RFTN1: variants seen among roughly 807,000 people sequenced by gnomAD.
The protein encoded by RFTN1 is raftlin, lipid raft linker 1.
A neutral mutation model predicts 46.5 loss-of-function variants in RFTN1; 26 were observed. The observed-to-expected ratio is 0.56, with a 90% confidence interval of 0.41 to 0.78. The LOEUF (loss-of-function observed/expected upper bound fraction) is 0.78. Ranked by LOEUF, RFTN1 falls within the 30% of genes least tolerant of loss-of-function variation. The pLI is 0.00. For missense variants in RFTN1, 693 were observed against 718.7 expected, an observed-to-expected ratio of 0.96 and a Z score of 0.41; for synonymous variants, 261 against 284.2, an observed-to-expected ratio of 0.92 and a Z score of 0.82.
intron 7 of RFTN1, among the ~76,000 whole-genome samples, chr3:16,332,731 T>A (rs964970730): frequency 2.6e-5 from 4 of 152,226 alleles, no homozygotes; most frequent in African/African-American, 9.6e-5. Flanking sequence ...TTTGCTAAAT[T>A]AGTTAGATTC....
chr3:16,436,771 A>G (rs2075525204), intron 2 of RFTN1, among the ~76,000 whole-genome samples: 2 of 152,170 alleles, frequency 1.3e-5, no homozygotes, highest in Non-Finnish European at 2.9e-5. Context: ...TATGACTGTG[A>G]TCCATTAATC....
At chr3:16,495,252 C>T (rs2076605582) in intron 1 of RFTN1, among the ~76,000 whole-genome samples, 1 of 152,222 alleles carries the variant, frequency 6.6e-6, no homozygotes, top group Non-Finnish European at 1.5e-5. Context: ...ATGTAAAAGG[C>T]TGCATATTTA....
chr3:16,400,172 C>T lies in RFTN1; in HGVS notation c.441+9203G>A, dbSNP rs138218327. 4.5e-4 allele frequency among the ~76,000 whole-genome samples: 69 copies of T among 152,320 alleles called. No homozygotes were observed. The East Asian group carries it at 0.013, about 29-fold the overall frequency. On this transcript the variant is annotated intron_variant, in intron 4 of 9. Coordinates refer to ENST00000334133, the MANE Select transcript of RFTN1 (RefSeq NM_015150.2). This position sits in a 1 kb window ranked among gnomAD's most constrained non-coding sequence, Gnocchi z 4.5. ...TGCAGGGCTGTATGGGGACCCGACT[C>T]ACTCTCCAGCCTCACTCCACCTCAC...
intron 7 of RFTN1, 115 bp from the exon 8 acceptor site, chr3:16,326,991 G>C: frequency 1.4e-6 from 1 of 718,888 alleles, no homozygotes; most frequent in Non-Finnish European, 2.3e-6. Context: ...GGCGGTGCCC[G>C]GCCACTCAGA....
Position 16,472,998 on chromosome 3 carries a change from C to T in RFTN1, c.145+20727G>A, listed in dbSNP as rs17042328. Among the ~76,000 whole-genome samples the T allele has an allele frequency of 4.5e-3, 686 of 152,180 alleles. 7 individuals are homozygous for T. The highest frequency in any genetic ancestry group is 0.015 in the African/African-American group (638 of 41,498). On this transcript the variant is annotated intron_variant, in intron 2 of 9. Coordinates refer to ENST00000334133, the MANE Select transcript of RFTN1 (RefSeq NM_015150.2). ...CACAGAGTCAGACAGGTAGGGCGAC[C>T]CCAAAAGTTCATCTCCCTTCTAAAT... is the stretch of plus-strand genomic sequence containing the variant.
chr3:16,409,567 G>A (rs142147318), intron 3 of RFTN1, 84 bp from the exon 4 acceptor site: 107 of 943,300 alleles, frequency 1.1e-4, no homozygotes, highest in Middle Eastern at 2.8e-4. Context: ...ACCCAGGCTG[G>A]AGTGCAATGA....
rs188956088 is a variant in RFTN1 at position 16,376,888 on chromosome 3, C to T, written c.826+830G>A. Reference sequence around the variant, plus strand: ...TTGTAAGAGGCTAAATTCAAGAATTCGTAAATAAATGGTAATAACAATATT... The same window carrying T: ...TTGTAAGAGGCTAAATTCAAGAATTTGTAAATAAATGGTAATAACAATATT... On this transcript the variant is annotated intron_variant, in intron 5 of 9. Coordinates refer to ENST00000334133, the MANE Select transcript of RFTN1 (RefSeq NM_015150.2). This position sits in a 1 kb window ranked among gnomAD's most constrained non-coding sequence, Gnocchi z 4.7. 2.8e-4 allele frequency among the ~76,000 whole-genome samples: 43 copies of T among 152,186 alleles called. No individual in the cohort carries two copies. Among genetic ancestry groups the T allele is most frequent in the Admixed American group, 2.2e-3 (33 of 15,290 alleles).
In RFTN1 at chr3:16,507,808, C is replaced by CACAT. The variant is rs57105411; in HGVS notation, c.-9+5630_-9+5633dup. ...ACATACACACAAACACACACAAACG[C>CACAT]ACATACATACATACATACACACACA... On this transcript the variant is annotated intron_variant, in intron 1 of 9. Transcript: ENST00000334133. This position sits in a 1 kb window ranked among gnomAD's most constrained non-coding sequence, Gnocchi z 7.1. 5.1e-5 allele frequency among the ~76,000 whole-genome samples: 7 copies of CACAT among 136,858 alleles called. No individual in the cohort carries two copies. Among genetic ancestry groups the CACAT allele is most frequent in the Admixed American group, 1.5e-4 (2 of 13,126 alleles). 89.8% of individuals were successfully genotyped at this position (136,858 alleles called of 152,430 possible).
intron 6 of RFTN1, among the ~76,000 whole-genome samples, chr3:16,364,328 C>G (rs575150088): frequency 6.6e-6 from 1 of 152,184 alleles, no homozygotes; most frequent in African/African-American, 2.4e-5. Flanking sequence ...GGGTAGACAA[C>G]TGAGTTAAAT....
At position 16,440,473 on chromosome 3, in the gene RFTN1, T is replaced by G. The variant is rs575084293; in HGVS notation, c.146-6436A>C. Among the ~76,000 whole-genome samples the G allele has an allele frequency of 1.3e-5, 2 of 152,146 alleles. No individual in the cohort carries two copies. Among genetic ancestry groups the G allele is most frequent in the African/African-American group, 2.4e-5 (1 of 41,414 alleles). ...ATACCAGGGCTTTGTCCTGCTGCAG[T>G]GCAAAGGACAATTCTCTCCTGGCTT... On this transcript the variant is annotated intron_variant, in intron 2 of 9. Transcript: ENST00000334133. The surrounding 1 kb of genome is among the most constrained non-coding windows in gnomAD (Gnocchi z 4.6).
Position 16,493,709 on chromosome 3 carries a change from C to T in RFTN1, c.145+16G>A, listed in dbSNP as rs768398635. On this transcript the variant is annotated intron_variant, in intron 2 of 9. Coordinates refer to ENST00000334133, the MANE Select transcript of RFTN1 (RefSeq NM_015150.2). ...GACCCCACCTGCCCCCATCCATTCC[C>T]ACCCCATGTACTCACCAGCACTCAG... The T allele has an allele frequency of 2.5e-6, 4 of 1,611,342 alleles. No individual in the cohort carries two copies. The highest frequency in any genetic ancestry group is 3.4e-6 in the Non-Finnish European group (4 of 1,178,744).
Position 16,327,990 on chromosome 3 carries a change from G to GA in RFTN1, c.1147-1115dup, listed in dbSNP as rs1417249901. ...GTTTGGCTTCTTGTAGTTGGCTTCC[G>GA]AAAATCTCAAACATGTATCCAGATT... On this transcript the variant is annotated intron_variant, in intron 7 of 9. Coordinates refer to ENST00000334133, the MANE Select transcript of RFTN1 (RefSeq NM_015150.2). The surrounding 1 kb of genome is among the most constrained non-coding windows in gnomAD (Gnocchi z 4.2). 2.0e-5 allele frequency among the ~76,000 whole-genome samples: 3 copies of GA among 152,162 alleles called. No individual in the cohort carries two copies. The East Asian group carries it at 5.8e-4, about 29-fold the overall frequency.
At position 16,481,626 on chromosome 3, in the gene RFTN1, T is replaced by C. The variant is rs1343959945; in HGVS notation, c.145+12099A>G. 6.6e-6 allele frequency among the ~76,000 whole-genome samples: 1 copy of C among 151,962 alleles called. No homozygotes were observed. Among genetic ancestry groups the C allele is most frequent in the African/African-American group, 2.4e-5 (1 of 41,358 alleles). On this transcript the variant is annotated intron_variant, in intron 2 of 9. Coordinates refer to ENST00000334133, the MANE Select transcript of RFTN1 (RefSeq NM_015150.2). The surrounding 1 kb of genome is among the most constrained non-coding windows in gnomAD (Gnocchi z 5.1). ...TTTGCCTAAACTGAAATTAAATAAA[T>C]AGACACACACACACTCTCCATAAAA...
intron 1 of RFTN1, among the ~76,000 whole-genome samples, chr3:16,503,162 GC>G (rs1317666318): frequency 6.6e-6 from 1 of 152,044 alleles, no homozygotes; most frequent in Non-Finnish European, 1.5e-5. Flanking sequence ...GTCCATCTCT[GC>G]TCTGCTGCTC....
intron 2 of RFTN1, among the ~76,000 whole-genome samples, chr3:16,441,065 G>C (rs1457541063): frequency 1.3e-5 from 2 of 152,080 alleles, no homozygotes; most frequent in Non-Finnish European, 2.9e-5. Flanking sequence ...TATTGGCACT[G>C]AGATGAACAA....
At chr3:16,404,752 C>G (rs1186684800) in intron 4 of RFTN1, among the ~76,000 whole-genome samples, 1 of 152,058 alleles carries the variant, frequency 6.6e-6, no homozygotes, top group Non-Finnish European at 1.5e-5. Flanking sequence ...TTCCACACCT[C>G]TCCGAAGCTC....
chr3:16,441,267 C>A (rs1575297007), intron 2 of RFTN1, among the ~76,000 whole-genome samples: 2 of 102,658 alleles, frequency 1.9e-5, no homozygotes, highest in South Asian at 3.1e-4. Flanking sequence ...AAAATAACTC[C>A]ATATAAATAA....
At chr3:16,343,885 C>T (rs1271147635) in intron 7 of RFTN1, among the ~76,000 whole-genome samples, 1 of 152,154 alleles carries the variant, frequency 6.6e-6, no homozygotes, top group African/African-American at 2.4e-5. Context: ...GCAAAGCCAG[C>T]TGATAGTCTT....
Position 16,327,042 on chromosome 3 carries a change from G to C in RFTN1, c.1147-166C>G, listed in dbSNP as rs1407386084. Among the ~76,000 whole-genome samples, 1 of 152,196 alleles carries C rather than the reference G, an allele frequency of 6.6e-6. No individual in the cohort carries two copies. Among genetic ancestry groups the C allele is most frequent in the South Asian group, 2.1e-4 (1 of 4,830 alleles). ...GCTTGCTGAAGACTTTAAAAGTTTG[G>C]AGTCAAACTGCCAACATGGGATTTC... On this transcript the variant is annotated intron_variant, in intron 7 of 9. Transcript: ENST00000334133. This position sits in a 1 kb window ranked among gnomAD's most constrained non-coding sequence, Gnocchi z 4.2.
Sources: gnomAD v4.1 joint callset for allele counts (sites outside exome capture counted in the v4.1 genomes callset) on GRCh38, gnomAD v4.1.1 for gene constraint, Gnocchi (gnomAD v3.1) non-coding constraint, MANE v1.5 for transcripts, NCBI Gene and HGNC (gene_info 2026-07-23, HGNC 2026-07-21) for gene names.